The following PRR16 variants were observed in gnomAD, a reference collection of about 807,000 sequenced individuals.
The protein encoded by PRR16 is proline rich 16.
A neutral mutation model predicts 18.2 loss-of-function variants in PRR16; 6 were observed. The ratio of observed to expected loss-of-function variants is 0.33; its 90% CI spans 0.18 to 0.65. The LOEUF (loss-of-function observed/expected upper bound fraction) is 0.65, where lower values mean the gene tolerates loss of function less well. Ranked by LOEUF, PRR16 falls within the 30% of genes least tolerant of loss-of-function variation. The probability of loss-of-function intolerance (pLI) is 0.74; values close to 1 mark genes in which losing one functional copy is unlikely to be tolerated. For missense variants in PRR16, 412 were observed against 376.6 expected (o/e 1.09, Z -0.78); for synonymous variants, 151 against 147.8 (o/e 1.02, Z -0.16).
intron 1 of PRR16, among the ~76,000 whole-genome samples, chr5:120,539,125 C>T (rs1428213015): frequency 6.6e-6 from 1 of 152,002 alleles, no homozygotes; most frequent in Admixed American, 6.6e-5. Flanking sequence ...GACGCCATTT[C>T]TACACCATAA....
upstream of PRR16, chr5:120,464,296 C>A (rs1480853202): frequency 4.7e-6 from 2 of 427,284 alleles, no homozygotes; most frequent in Non-Finnish European, 7.6e-6. Flanking sequence ...CGCCGCGTCT[C>A]GGGAGTTGAT....
intron 1 of PRR16, among the ~76,000 whole-genome samples, chr5:120,650,537 T>C (rs1380912155): frequency 1.4e-5 from 2 of 147,068 alleles, no homozygotes; most frequent in Non-Finnish European, 3.0e-5. Context: ...GTCCATGTGT[T>C]CTCATTGTTC....
intron 1 of PRR16, among the ~76,000 whole-genome samples, chr5:120,503,177 A>G (rs898281129): frequency 6.6e-6 from 1 of 152,174 alleles, no homozygotes. Context: ...AAATATCATT[A>G]AAAAATCTTA....
the PRR16 span, among the ~76,000 whole-genome samples, chr5:120,705,170 G>T: frequency 2.6e-5 from 4 of 152,010 alleles, no homozygotes; most frequent in Non-Finnish European, 5.9e-5. Context: ...TTAGGTATCA[G>T]TAATATGCTT....
At chr5:120,513,521 CAT>C (rs1188501895) in intron 1 of PRR16, among the ~76,000 whole-genome samples, 5 of 152,104 alleles carry the variant, frequency 3.3e-5, no homozygotes, top group Non-Finnish European at 5.9e-5. Flanking sequence ...ATGGCCTTCA[CAT>C]GTTTCCTCCA....
chr5:120,663,860 C>T (rs377628566), intron 1 of PRR16, among the ~76,000 whole-genome samples: 5 of 152,106 alleles, frequency 3.3e-5, no homozygotes, highest in African/African-American at 1.2e-4. Context: ...TGCAATGAGA[C>T]TCTGGTGGGT....
chr5:120,564,673 C>G (rs898642467), intron 1 of PRR16, among the ~76,000 whole-genome samples: 4 of 152,136 alleles, frequency 2.6e-5, no homozygotes, highest in African/African-American at 9.7e-5. Context: ...CTCAGTGCTT[C>G]TTTCAGTGAC....
intron 1 of PRR16, among the ~76,000 whole-genome samples, chr5:120,577,571 TG>T (rs1198599530): frequency 1.3e-5 from 2 of 152,154 alleles, no homozygotes; most frequent in Admixed American, 6.6e-5. Flanking sequence ...CTTAGGAGTT[TG>T]GCAAATCTTT....
chr5:120,540,474 T>C (rs979074130), intron 1 of PRR16, among the ~76,000 whole-genome samples: 2 of 152,188 alleles, frequency 1.3e-5, no homozygotes, highest in African/African-American at 4.8e-5. Flanking sequence ...ACCAGGTTCA[T>C]TTTGTACCAT....
chr5:120,577,616 A>G (rs955526648), intron 1 of PRR16, among the ~76,000 whole-genome samples: 1 of 152,166 alleles, frequency 6.6e-6, no homozygotes, highest in Non-Finnish European at 1.5e-5. Context: ...AAGAACACAA[A>G]TGTTTACTTT....
the PRR16 span, among the ~76,000 whole-genome samples, chr5:120,700,216 T>C: frequency 6.6e-6 from 1 of 152,144 alleles, no homozygotes. Context: ...TGTCTGGTTT[T>C]AGGACAGGTA....
chr5:120,777,103 A>G, the PRR16 span, among the ~76,000 whole-genome samples: 1 of 152,016 alleles, frequency 6.6e-6, no homozygotes, highest in Non-Finnish European at 1.5e-5. Context: ...GAGAACCTCT[A>G]TGAGAAATTA....
At chr5:120,482,236 G>A (rs1749642626) in intron 1 of PRR16, among the ~76,000 whole-genome samples, 1 of 152,086 alleles carries the variant, frequency 6.6e-6, no homozygotes, top group African/African-American at 2.4e-5. Flanking sequence ...CCTTCACTTA[G>A]GTAGTGAGCA....
chr5:120,703,915 C>T, the PRR16 span, among the ~76,000 whole-genome samples: 1 of 152,156 alleles, frequency 6.6e-6, no homozygotes, highest in Non-Finnish European at 1.5e-5. Context: ...ATTCTTTGTA[C>T]ACAGAGATGA....
At chr5:120,741,335 G>T in the PRR16 span, among the ~76,000 whole-genome samples, 1 of 152,042 alleles carries the variant, frequency 6.6e-6, no homozygotes, top group African/African-American at 2.4e-5. Context: ...CAGAATAGCT[G>T]GGATTGCAGG....
intron 1 of PRR16, among the ~76,000 whole-genome samples, chr5:120,582,390 A>G (rs143663328): frequency 6.6e-5 from 10 of 152,288 alleles, no homozygotes; most frequent in African/African-American, 2.2e-4. Flanking sequence ...TAGAAACCTA[A>G]TTCGAACCAT....
chr5:120,690,349 T>A (rs1308796026), downstream of PRR16, among the ~76,000 whole-genome samples: 2 of 152,136 alleles, frequency 1.3e-5, no homozygotes, highest in South Asian at 2.1e-4. Context: ...GTGACTGAAT[T>A]TTTTTTCCAT....
At chr5:120,487,581 T>C (rs1050994208) in intron 1 of PRR16, among the ~76,000 whole-genome samples, 2 of 152,182 alleles carry the variant, frequency 1.3e-5, no homozygotes, top group Non-Finnish European at 1.5e-5. Context: ...TATACAATCA[T>C]GTCATCTGCA....
At chr5:120,538,447 A>T (rs1370745407) in intron 1 of PRR16, among the ~76,000 whole-genome samples, 1 of 152,168 alleles carries the variant, frequency 6.6e-6, no homozygotes, top group Admixed American at 6.5e-5. Context: ...CAACTGCAAA[A>T]TTTTGTGTTG....
Sources: allele counts gnomAD v4.1 joint callset (sites outside exome capture counted in the v4.1 genomes callset), GRCh38; gene constraint gnomAD v4.1.1; transcripts MANE v1.5; gene names NCBI Gene and HGNC (gene_info 2026-07-23, HGNC 2026-07-21).